CPED1: variants seen among roughly 807,000 people sequenced by gnomAD.
The protein encoded by CPED1 is cadherin-like and PC-esterase domain-containing protein 1.
In CPED1, 114 loss-of-function variants were observed where a neutral mutation model predicts 128.2. The observed-to-expected ratio is 0.89, with a 90% CI of 0.76 to 1.04. The LOEUF is 1.04. Ranked by LOEUF, CPED1 falls within the 50% of genes least tolerant of loss-of-function variation. The probability of loss-of-function intolerance (pLI) is 0.00; values close to 1 mark genes in which losing one functional copy is unlikely to be tolerated. For synonymous variants in CPED1, 462 were observed against 426.7 expected (o/e 1.08, Z -1.02); for missense variants, 1,211 against 1,207.1 (o/e 1.00, Z -0.05).
At chr7:121,290,281 T>G (rs992745825) in intron 22 of CPED1, among the ~76,000 whole-genome samples, 9 of 152,248 alleles carry the variant, frequency 5.9e-5, no homozygotes, top group Admixed American at 5.9e-4. Flanking sequence ...TGTGCATGTG[T>G]CTTTTTAGTA....
At chr7:121,267,376 G>A (rs1014626625) in intron 21 of CPED1, 74 bp downstream of exon 21, 9 of 828,020 alleles carry the variant, frequency 1.1e-5, no homozygotes, top group Non-Finnish European at 1.7e-5. Flanking sequence ...AGACCCGTAA[G>A]GCACTATATA....
At chr7:121,121,352 C>A (rs992967186) in intron 7 of CPED1, among the ~76,000 whole-genome samples, 5 of 151,988 alleles carry the variant, frequency 3.3e-5, no homozygotes, top group African/African-American at 1.2e-4. Context: ...AATGTAAATA[C>A]CTTACTAGTT....
At chr7:121,082,914 C>A (rs1460213263) in intron 5 of CPED1, among the ~76,000 whole-genome samples, 1 of 152,146 alleles carries the variant, frequency 6.6e-6, no homozygotes, top group Non-Finnish European at 1.5e-5. Flanking sequence ...ATTATTCTTT[C>A]ATCAACTAAA....
chr7:121,192,233 G>A (rs1243285868), intron 16 of CPED1, among the ~76,000 whole-genome samples: 4 of 151,908 alleles, frequency 2.6e-5, no homozygotes, highest in South Asian at 2.1e-4. Context: ...TATAGAGTTC[G>A]GGTATCCCTA....
chr7:121,005,800 G>A (rs1791996132), intron 2 of CPED1, among the ~76,000 whole-genome samples: 1 of 152,100 alleles, frequency 6.6e-6, no homozygotes, highest in South Asian at 2.1e-4. Context: ...TCTTACGCTT[G>A]TGTGGGACTC....
intron 16 of CPED1, among the ~76,000 whole-genome samples, chr7:121,182,009 G>A (rs1796906491): frequency 6.6e-6 from 1 of 152,006 alleles, no homozygotes; most frequent in Non-Finnish European, 1.5e-5. Context: ...GGGAAACTAG[G>A]GGGACATTTG....
intron 7 of CPED1, among the ~76,000 whole-genome samples, chr7:121,105,173 G>A (rs1458930447): frequency 6.6e-6 from 1 of 152,022 alleles, no homozygotes; most frequent in Non-Finnish European, 1.5e-5. Flanking sequence ...GAGGAATGGT[G>A]TTATGTACAA....
intron 16 of CPED1, among the ~76,000 whole-genome samples, chr7:121,233,553 CA>C (rs1798185121): frequency 6.6e-6 from 1 of 151,938 alleles, no homozygotes; most frequent in African/African-American, 2.4e-5. Flanking sequence ...TGTCTCAAAA[CA>C]ACAACAATAC....
intron 15 of CPED1, among the ~76,000 whole-genome samples, chr7:121,141,477 G>A (rs1795902792): frequency 6.6e-6 from 1 of 151,912 alleles, no homozygotes; most frequent in African/African-American, 2.4e-5. Flanking sequence ...ATTCTGTGCT[G>A]TGTCCATAGC....
At chr7:121,071,966 C>T (rs1270413587) in intron 5 of CPED1, among the ~76,000 whole-genome samples, 1 of 152,062 alleles carries the variant, frequency 6.6e-6, no homozygotes, top group African/African-American at 2.4e-5. Flanking sequence ...TTCCTCATTC[C>T]TTCAACACCA....
chr7:121,185,574 G>A (rs1796985202), intron 16 of CPED1, among the ~76,000 whole-genome samples: 2 of 152,084 alleles, frequency 1.3e-5, no homozygotes, highest in Non-Finnish European at 1.5e-5. Context: ...GAATCAATAA[G>A]TAATTCTGGA....
intron 16 of CPED1, among the ~76,000 whole-genome samples, chr7:121,207,849 C>G (rs375779767): frequency 6.6e-6 from 1 of 151,996 alleles, no homozygotes; most frequent in Non-Finnish European, 1.5e-5. Flanking sequence ...CCAAACTCTT[C>G]TCATTTGTCC....
chr7:121,295,013 A>G (rs967510579), intron 22 of CPED1, among the ~76,000 whole-genome samples: 33 of 152,108 alleles, frequency 2.2e-4, no homozygotes, highest in Admixed American at 1.3e-3. Flanking sequence ...TTTAGTTGCC[A>G]TTTTATAGAA....
chr7:121,068,865 C>G (rs932490201), intron 5 of CPED1, among the ~76,000 whole-genome samples: 4 of 152,026 alleles, frequency 2.6e-5, no homozygotes, highest in African/African-American at 9.7e-5. Context: ...GTATTGTATT[C>G]TCTTTGAAGC....
Position 121,296,436 on chromosome 7 carries a change from CTA to C in CPED1, c.*786_*787del, listed in dbSNP as rs1792825872. 6.6e-6 allele frequency: 1 copy of C among 152,020 alleles called. No homozygotes were observed. The highest frequency in any genetic ancestry group is 1.5e-5 in the Non-Finnish European group (1 of 67,972). The allele number at this position is 152,020 out of a possible 1,614,324, so 9.4% of individuals were successfully genotyped here. Reference sequence around the variant, plus strand: ...ATGTAGTTCCTCATGTATTACTGTACTATGTTTCATTGATGATATTACTTAAA... The same window carrying C: ...ATGTAGTTCCTCATGTATTACTGTACTGTTTCATTGATGATATTACTTAAA... On this transcript the variant is annotated 3_prime_UTR_variant, in exon 23 of 23. Transcript: ENST00000310396.
chr7:121,073,000 C>T (rs900167362), intron 5 of CPED1, among the ~76,000 whole-genome samples: 1 of 152,054 alleles, frequency 6.6e-6, no homozygotes, highest in African/African-American at 2.4e-5. Flanking sequence ...CTTTGTTGCA[C>T]AGTTGACCCT....
chr7:121,286,121 A>T (rs1185888380), intron 22 of CPED1, among the ~76,000 whole-genome samples: 1 of 152,180 alleles, frequency 6.6e-6, no homozygotes. Flanking sequence ...GGAGAAGTGC[A>T]TGGTGAAGCA....
intron 18 of CPED1, among the ~76,000 whole-genome samples, chr7:121,264,891 G>A (rs909998816): frequency 7.2e-5 from 11 of 151,998 alleles, no homozygotes; most frequent in African/African-American, 2.7e-4. Context: ...ACTAGAATTA[G>A]AAATTGACCC....
chr7:121,136,372 G>A (rs559673013), intron 14 of CPED1, among the ~76,000 whole-genome samples: 22 of 152,168 alleles, frequency 1.4e-4, no homozygotes, highest in South Asian at 6.2e-4. Flanking sequence ...TCAGATGTAA[G>A]AGCTTGGCTT....
Sources: gnomAD v4.1 joint callset for allele counts (sites outside exome capture counted in the v4.1 genomes callset) on GRCh38, gnomAD v4.1.1 for gene constraint, MANE v1.5 for transcripts, NCBI Gene and HGNC (gene_info 2026-07-23, HGNC 2026-07-21) for gene names.